The following FAM24B variants were observed in gnomAD, a reference collection of about 807,000 sequenced individuals.
FAM24B encodes the protein protein FAM24B.
FAM24B carries 3 observed loss-of-function variants against 2.3 expected under a neutral mutation model. That is an observed-to-expected ratio of 1.29 (90% CI 0.59 to 3.32). The LOEUF (loss-of-function observed/expected upper bound fraction) is 3.32, where lower values mean the gene tolerates loss of function less well. FAM24B is among the 30% of genes most tolerant of loss of function. The probability of loss-of-function intolerance (pLI) is 0.03; values close to 1 mark genes in which losing one functional copy is unlikely to be tolerated. For synonymous variants in FAM24B, 36 were observed against 46.3 expected, an observed-to-expected ratio of 0.78 and a Z score of 0.90; for missense variants, 98 against 117.2, an observed-to-expected ratio of 0.84 and a Z score of 0.76.
rs779848181 is a variant in FAM24B at position 122,849,334 on chromosome 10, A to G, written c.198T>C (p.Pro66=). The change falls in exon 4 of 4, where the codon CCT becomes CCC. Residue 66 remains proline (P), a synonymous_variant. Transcript: ENST00000368898. Reference sequence around the variant, plus strand: ...TATATCCTTCACAGCACTGCAGGGCAGGACAAGACTCCGTGGCAATGGTTT... The same window carrying G: ...TATATCCTTCACAGCACTGCAGGGCGGGACAAGACTCCGTGGCAATGGTTT... The part of the protein sequence containing the change: ...QAKTIATESC[P]ALQCCEGYRM... 2 of 1,613,510 alleles carry G rather than the reference A, an allele frequency of 1.2e-6. No individual in the cohort carries two copies. The highest frequency in any genetic ancestry group is 1.7e-6 in the Non-Finnish European group (2 of 1,179,682).
At chr10:122,869,518 G>A (rs1223016868) in intron 1 of FAM24B, among the ~76,000 whole-genome samples, 3 of 152,082 alleles carry the variant, frequency 2.0e-5, no homozygotes, top group Non-Finnish European at 2.9e-5. Context: ...TTCCAAAATT[G>A]ACCACATACT....
At chr10:122,858,487 G>A (rs1239333076) in intron 1 of FAM24B, among the ~76,000 whole-genome samples, 1 of 151,818 alleles carries the variant, frequency 6.6e-6, no homozygotes, top group Non-Finnish European at 1.5e-5. Context: ...CACCAACATG[G>A]CACATGTATA....
At chr10:122,877,700 A>G (rs759443341) in intron 1 of FAM24B, among the ~76,000 whole-genome samples, 2 of 152,228 alleles carry the variant, frequency 1.3e-5, no homozygotes, top group Admixed American at 6.5e-5. Context: ...TATAGCCTAA[A>G]TGTCCCAAAA....
intron 2 of FAM24B, among the ~76,000 whole-genome samples, chr10:122,851,192 G>A (rs1391861487): frequency 6.6e-6 from 1 of 152,110 alleles, no homozygotes; most frequent in Non-Finnish European, 1.5e-5. Context: ...TGAGTCAGGG[G>A]AGAAGAATAA....
chr10:122,849,704 C>T (rs767447787), intron 3 of FAM24B, among the ~76,000 whole-genome samples: 6 of 152,032 alleles, frequency 3.9e-5, no homozygotes, highest in Admixed American at 6.6e-5. Flanking sequence ...TGCAGGCCCC[C>T]GAGATGCAGG....
At chr10:122,878,908 T>G (rs1429278282) in intron 1 of FAM24B, among the ~76,000 whole-genome samples, 1 of 152,042 alleles carries the variant, frequency 6.6e-6, no homozygotes, top group Non-Finnish European at 1.5e-5. Flanking sequence ...TAGGTAATTC[T>G]AAAAAGCCTA....
intron 1 of FAM24B, among the ~76,000 whole-genome samples, chr10:122,859,947 A>G (rs1209331716): frequency 6.6e-6 from 1 of 151,946 alleles, no homozygotes; most frequent in Non-Finnish European, 1.5e-5. Flanking sequence ...ATTCCTGGAG[A>G]GCAGTGGCAC....
At position 122,849,167 on chromosome 10, in the gene FAM24B, C is replaced by A; in HGVS notation, c.*80G>T. On this transcript the variant is annotated 3_prime_UTR_variant, in exon 4 of 4. Coordinates refer to ENST00000368898, the MANE Select transcript of FAM24B (RefSeq NM_152644.3). ...TAAATTATATAATCTCACATAAAAA[C>A]ACTAGAACTTGATTTGAATAACAAA... 9.3e-7 allele frequency: 1 copy of A among 1,074,414 alleles called. No homozygotes were observed. The highest frequency in any genetic ancestry group is 2.2e-5 in the South Asian group (1 of 44,742). 66.6% of individuals were successfully genotyped at this position (1,074,414 alleles called of 1,614,324 possible). A position where few individuals can be genotyped will look rare whatever the true frequency, so the allele number is the denominator to read the frequency against.
chr10:122,856,239 G>A (rs1847635062), intron 1 of FAM24B, among the ~76,000 whole-genome samples: 1 of 152,230 alleles, frequency 6.6e-6, no homozygotes, highest in Admixed American at 6.5e-5. Context: ...CACAGGGGCA[G>A]CACCCAGGAA....
At chr10:122,876,055 C>T (rs952349609) in intron 1 of FAM24B, among the ~76,000 whole-genome samples, 12 of 152,202 alleles carry the variant, frequency 7.9e-5, no homozygotes, top group African/African-American at 2.7e-4. Context: ...ACATGTAAGA[C>T]CCAAAATCAA....
intron 1 of FAM24B, among the ~76,000 whole-genome samples, chr10:122,856,845 C>T (rs1284719370): frequency 6.6e-6 from 1 of 152,202 alleles, no homozygotes; most frequent in Non-Finnish European, 1.5e-5. Flanking sequence ...CCCTGGGTTA[C>T]TGCTGCTTCC....
intron 1 of FAM24B, among the ~76,000 whole-genome samples, chr10:122,857,028 T>C (rs1847651750): frequency 2.0e-5 from 3 of 152,172 alleles, no homozygotes; most frequent in African/African-American, 7.2e-5. Context: ...TCCTATTTCT[T>C]GCTGGCTAAT....
At chr10:122,850,623 A>G (rs940838480) in intron 2 of FAM24B, 73 bp from the exon 3 acceptor site, 5 of 770,972 alleles carry the variant, frequency 6.5e-6, no homozygotes, top group South Asian at 1.4e-5. Flanking sequence ...AGCAATGCCA[A>G]TGTCAGGGGA....
intron 1 of FAM24B, among the ~76,000 whole-genome samples, chr10:122,878,739 T>C (rs954875897): frequency 6.6e-6 from 1 of 151,092 alleles, no homozygotes; most frequent in Non-Finnish European, 1.5e-5. Flanking sequence ...GACAGGGAAG[T>C]TTTTCTTTAA....
At chr10:122,868,879 C>T (rs890718479) in intron 1 of FAM24B, among the ~76,000 whole-genome samples, 2 of 152,124 alleles carry the variant, frequency 1.3e-5, no homozygotes, top group Admixed American at 6.5e-5. Context: ...CATCAACTAT[C>T]GAGCAAAATA....
intron 1 of FAM24B, among the ~76,000 whole-genome samples, chr10:122,858,109 T>A (rs989694127): frequency 8.5e-5 from 13 of 152,096 alleles, no homozygotes; most frequent in Non-Finnish European, 4.4e-5. Flanking sequence ...CACACATAGG[T>A]TTATTGAGGC....
At chr10:122,865,379 T>C (rs1369218963) in intron 1 of FAM24B, among the ~76,000 whole-genome samples, 2 of 152,204 alleles carry the variant, frequency 1.3e-5, no homozygotes, top group Non-Finnish European at 2.9e-5. Flanking sequence ...TGATTTTTAT[T>C]CTTTTATTCT....
intron 1 of FAM24B, among the ~76,000 whole-genome samples, chr10:122,868,971 T>G (rs1180791196): frequency 6.6e-6 from 1 of 152,278 alleles, no homozygotes; most frequent in South Asian, 2.1e-4. Context: ...ATGCTCCAAT[T>G]AAAAGGCACA....
At chr10:122,853,630 T>C (rs1409024648) in intron 2 of FAM24B, among the ~76,000 whole-genome samples, 1 of 152,248 alleles carries the variant, frequency 6.6e-6, no homozygotes, top group African/African-American at 2.4e-5. Flanking sequence ...GGTTCATGCC[T>C]GTAATCCCAG....
Sources: allele counts gnomAD v4.1 joint callset (sites outside exome capture counted in the v4.1 genomes callset), GRCh38; gene constraint gnomAD v4.1.1; transcripts MANE v1.5; gene names NCBI Gene and HGNC (gene_info 2026-07-23, HGNC 2026-07-21).